Variants in BAIAP3 observed in about 807,000 individuals in gnomAD.
BAIAP3 encodes BAI1-associated protein 3.
Under a neutral mutation model 149.7 loss-of-function variants are expected in BAIAP3, and 180 were observed. The ratio of observed to expected loss-of-function variants is 1.20; its 90% CI spans 1.07 to 1.36. BAIAP3 has a LOEUF of 1.36. BAIAP3 is among the 40% of genes most tolerant of loss of function. BAIAP3 has a pLI of 0.00. For synonymous variants in BAIAP3, 845 were observed against 670.7 expected, an observed-to-expected ratio of 1.26 and a Z score of -4.02; for missense variants, 1,767 against 1,563.4, an observed-to-expected ratio of 1.13 and a Z score of -2.20.
intron 20 of BAIAP3, 28 bp from the exon 21 acceptor site, chr16:1,344,941 G>C (rs746373253): frequency 1.9e-6 from 3 of 1,613,362 alleles, no homozygotes; most frequent in Admixed American, 3.3e-5. Context: ...CCTTGCTGCT[G>C]GAGGCCTGAT....
At chr16:1,344,902 A>G (rs2034206183) in intron 20 of BAIAP3, 53 bp downstream of exon 20, 2 of 1,613,680 alleles carry the variant, frequency 1.2e-6, no homozygotes, top group Non-Finnish European at 1.7e-6. Context: ...AAGTGGGCAG[A>G]TGCCCTTGGC....
Position 1,343,528 on chromosome 16 carries a change from G to C in BAIAP3, c.1386+15G>C. 1 of 1,605,052 alleles carries C rather than the reference G, an allele frequency of 6.2e-7. No homozygotes were observed. The highest frequency in any genetic ancestry group is 1.1e-5 in the South Asian group (1 of 89,756). ...CCCAGGAGCAGGTGGGTGCAGCCGG[G>C]ACCTTCTTGCCAGCCATGGCGAAGG... On this transcript the variant is annotated intron_variant, in intron 15 of 33. Coordinates refer to ENST00000426824, the MANE Select transcript of BAIAP3 (RefSeq NM_001199097.2).
rs2034595373 is a variant in BAIAP3, at chr16:1,349,341, A to C, written c.*859A>C. On this transcript the variant is annotated 3_prime_UTR_variant, in exon 34 of 34. Transcript: ENST00000426824. ...ACCCGGACAGCTCAGTCCTGCCAGC[A>C]GCCGCAAAGAGCCGAGGCTGCCAGG... The C allele has an allele frequency of 7.2e-7, 1 of 1,384,976 alleles. No individual in the cohort carries two copies. The allele number at this position is 1,384,976 out of a possible 1,614,324, so 85.8% of individuals were successfully genotyped here.
intron 5 of BAIAP3, among the ~76,000 whole-genome samples, chr16:1,340,191 A>C (rs1481075511): frequency 2.5e-5 from 1 of 40,746 alleles, no homozygotes; most frequent in Non-Finnish European, 4.2e-5. Context: ...GCACACAGAC[A>C]CACGCACACA....
chr16:1,347,398 G>C lies in BAIAP3; in HGVS notation c.2823+29G>C, dbSNP rs201365701. ...AGGTGGGACCCTCTGTGGGGCGGGG[G>C]TGTGGATGAGGGGACTGAGTTCAAA... is the stretch of plus-strand genomic sequence containing the variant. On this transcript the variant is annotated intron_variant, in intron 29 of 33. Transcript: ENST00000426824. The C allele has an allele frequency of 1.2e-3, 1,898 of 1,610,568 alleles. 2 individuals are homozygous for C. Among genetic ancestry groups the C allele is most frequent in the Non-Finnish European group, 1.2e-3 (1,398 of 1,178,362 alleles).
chr16:1,340,305 G>A (rs111173898), intron 5 of BAIAP3, among the ~76,000 whole-genome samples: 14 of 106,998 alleles, frequency 1.3e-4, no homozygotes, highest in East Asian at 6.1e-4. Context: ...CTGCAGGTGC[G>A]CACAGATGCC....
chr16:1,348,252 A>G lies in BAIAP3; in HGVS notation c.3306A>G (p.Ala1102=). Residue 1102 remains alanine, a synonymous_variant, in exon 33 of 34, where the codon GCA becomes GCG. Transcript: ENST00000426824. ...CCCGGCCCCAGGTGGGCGGGGGTGC[A>G]AGGGCTGGGCAGCCTGTCACCCTGC... ...GVARPQVGGG[A]RAGQPVTLHL... is the part of the protein sequence containing the mutation. The G allele has an allele frequency of 6.2e-7, 1 of 1,604,042 alleles. No individual in the cohort carries two copies. The highest frequency in any genetic ancestry group is 1.3e-5 in the African/African-American group (1 of 74,946).
chr16:1,337,669 G>GGCTGCT (rs377475253), intron 1 of BAIAP3, among the ~76,000 whole-genome samples: 3 of 152,132 alleles, frequency 2.0e-5, no homozygotes, highest in Admixed American at 6.5e-5. Context: ...GTGACATCTG[G>GGCTGCT]GCTGCTGCTG....
chr16:1,339,380 A>G (rs2033696625), intron 4 of BAIAP3, 116 bp from the exon 5 acceptor site: 17 of 1,466,232 alleles, frequency 1.2e-5, no homozygotes, highest in Non-Finnish European at 1.6e-5. Context: ...TGAGGAGCGG[A>G]GGGGCTCCTG....
rs1341343280 is a variant in BAIAP3 at position 1,345,063 on chromosome 16, C to T, written c.1904C>T (p.Ala635Val). The T allele has an allele frequency of 1.2e-6, 2 of 1,612,402 alleles. No individual in the cohort carries two copies. Among genetic ancestry groups the T allele is most frequent in the African/African-American group, 1.3e-5 (1 of 74,902 alleles). ...SGLFELYLTL[A>V]DLQRFWDSIP... is the part of the protein sequence containing the mutation. The stretch of plus-strand genomic sequence containing the variant: ...CTCTTTGAGCTCTACCTGACCCTGG[C>T]TGACCTCCAGCGCTTCTGGGATAGC... The change falls in exon 21 of 34, where the codon GCT becomes GTT. Residue 635 changes from alanine (A) to valine (V), a missense_variant. Physicochemically the swap from Ala to Val is moderately conservative, Grantham distance 64. Transcript: ENST00000426824.
intron 32 of BAIAP3, 23 bp from the exon 33 acceptor site, chr16:1,348,073 T>TCC (rs200526630): frequency 4.9e-6 from 7 of 1,433,594 alleles, no homozygotes; most frequent in Non-Finnish European, 6.3e-6. Context: ...GGAGCGAGAC[T>TCC]CCCGACTGGC....
chr16:1,348,515 CA>C lies in BAIAP3; in HGVS notation c.*34del, dbSNP rs1567176107. On this transcript the variant is annotated 3_prime_UTR_variant, in exon 34 of 34. Coordinates refer to ENST00000426824, the MANE Select transcript of BAIAP3 (RefSeq NM_001199097.2). ...AGCTGCCAGCCCCGGCCCTGGCCCC[CA>C]CCCCAAGTTCCCTGAAGCATCCTCC... 6.4e-7 allele frequency: 1 copy of C among 1,569,166 alleles called. No individual in the cohort carries two copies. The highest frequency in any genetic ancestry group is 1.2e-5 in the South Asian group (1 of 86,336).
In BAIAP3 at chr16:1,343,430, A is replaced by G. The variant is rs2034076183; in HGVS notation, c.1303A>G (p.Thr435Ala). Reference sequence around the variant, plus strand: ...CAGCAGCCGCCACCATCAAACCTGCACGCTGGACTACAGCTACCTGCTGGG... The same window carrying G: ...CAGCAGCCGCCACCATCAAACCTGCGCGCTGGACTACAGCTACCTGCTGGG... Reference protein sequence around the residue: ...QVSSRHHQTCTLDYSYLLGLL... With the variant: ...QVSSRHHQTCALDYSYLLGLL... Residue 435 changes from threonine (T) to alanine (A), a missense_variant, in exon 15 of 34, where the codon ACG (threonine) becomes GCG (alanine). Coordinates refer to ENST00000426824, the MANE Select transcript of BAIAP3 (RefSeq NM_001199097.2). 3.8e-6 allele frequency: 6 copies of G among 1,579,138 alleles called. No individual in the cohort carries two copies. The highest frequency in any genetic ancestry group is 4.3e-6 in the Non-Finnish European group (5 of 1,164,534).
In BAIAP3 at chr16:1,345,113, C is replaced by T. The variant is rs528394399; in HGVS notation, c.1940+14C>T. ...CATCCCTGGCCGGTGGGTGCCCCGT[C>T]CCTATCTCTTGCAGACAGACTTTGG... On this transcript the variant is annotated intron_variant, in intron 21 of 33. Coordinates refer to ENST00000426824, the MANE Select transcript of BAIAP3 (RefSeq NM_001199097.2). 6.2e-7 allele frequency: 1 copy of T among 1,612,616 alleles called. No homozygotes were observed. Among genetic ancestry groups the T allele is most frequent in the South Asian group, 1.1e-5 (1 of 91,068 alleles).
chr16:1,335,639 G>A (rs1190508669), intron 1 of BAIAP3, among the ~76,000 whole-genome samples: 2 of 152,300 alleles, frequency 1.3e-5, no homozygotes, highest in African/African-American at 4.8e-5. Context: ...CAGGCTATCA[G>A]CTGCCCAGGA....
At position 1,349,389 on chromosome 16, in the gene BAIAP3, C is replaced by G. The variant is rs1011762273; in HGVS notation, c.*907C>G. 2 of 1,609,558 alleles carry G rather than the reference C, an allele frequency of 1.2e-6. No homozygotes were observed. Among genetic ancestry groups the G allele is most frequent in the African/African-American group, 2.7e-5 (2 of 74,986 alleles). ...AGGCCCATTTATGTCCCTCATGTCT[C>G]TAGATTTTCTCGTCACCCAGCCTCA... is the stretch of plus-strand genomic sequence containing the variant. On this transcript the variant is annotated 3_prime_UTR_variant, in exon 34 of 34. Coordinates refer to ENST00000426824, the MANE Select transcript of BAIAP3 (RefSeq NM_001199097.2).
Position 1,342,294 on chromosome 16 carries a change from G to A in BAIAP3, c.957+11G>A. 6.2e-7 allele frequency: 1 copy of A among 1,610,532 alleles called. No individual in the cohort carries two copies. Among genetic ancestry groups the A allele is most frequent in the Non-Finnish European group, 8.5e-7 (1 of 1,178,334 alleles). ...AACATACCTGTCCGGGTGAGTGGGT[G>A]TGGGGTGGGGCTGGTGACACTTAGA... On this transcript the variant is annotated intron_variant, in intron 11 of 33. Coordinates refer to ENST00000426824, the MANE Select transcript of BAIAP3 (RefSeq NM_001199097.2).
Position 1,342,265 on chromosome 16 carries a change from C to T in BAIAP3, c.939C>T (p.Cys313=), listed in dbSNP as rs1048565868. Residue 313 remains cysteine, a synonymous_variant, in exon 11 of 34, where the codon TGC becomes TGT. Coordinates refer to ENST00000426824, the MANE Select transcript of BAIAP3 (RefSeq NM_001199097.2). ...ACCACACCGATGACTTCCTGGGGTG[C>T]CTCAACATACCTGTCCGGGTGAGTG... is the stretch of plus-strand genomic sequence containing the variant. The part of the protein sequence containing the change: ...TEDHTDDFLG[C]LNIPVREVPV... The T allele has an allele frequency of 1.2e-6, 2 of 1,612,428 alleles. No homozygotes were observed. The highest frequency in any genetic ancestry group is 8.5e-7 in the Non-Finnish European group (1 of 1,179,796).
chr16:1,344,750 G>T (rs377075715), intron 19 of BAIAP3, 48 bp from the exon 20 acceptor site: 1 of 1,354,982 alleles, frequency 7.4e-7, no homozygotes, highest in Non-Finnish European at 9.9e-7. Context: ...AGCCAACAGG[G>T]CCTGCAGGTG....
Sources: gnomAD v4.1 joint callset for allele counts (sites outside exome capture counted in the v4.1 genomes callset) on GRCh38, gnomAD v4.1.1 for gene constraint, MANE v1.5 for transcripts, NCBI Gene and HGNC (gene_info 2026-07-23, HGNC 2026-07-21) for gene names.